The following UNC13B variants were observed in gnomAD, a reference collection of about 807,000 sequenced individuals.
UNC13B encodes unc-13 homolog B.
Under a neutral mutation model 211.0 loss-of-function variants are expected in UNC13B, and 144 were observed. That is an observed-to-expected ratio of 0.68 (90% CI 0.60 to 0.78). The LOEUF (loss-of-function observed/expected upper bound fraction) is 0.78. UNC13B is among the 30% of genes least tolerant of loss of function. The probability of loss-of-function intolerance (pLI) is 0.00; values close to 1 mark genes in which losing one functional copy is unlikely to be tolerated. For synonymous variants in UNC13B, 709 were observed against 725.8 expected (o/e 0.98, Z 0.37); for missense variants, 1,777 against 2,002.0 (o/e 0.89, Z 2.14).
chr9:35,238,150 A>T (rs936495670), intron 5 of UNC13B, among the ~76,000 whole-genome samples: 2 of 152,226 alleles, frequency 1.3e-5, no homozygotes, highest in Non-Finnish European at 2.9e-5. Flanking sequence ...TGAAGTGACT[A>T]TATATACCTT....
intron 11 of UNC13B, among the ~76,000 whole-genome samples, chr9:35,359,725 A>T (rs1162009594): frequency 6.6e-6 from 1 of 152,144 alleles, no homozygotes; most frequent in African/African-American, 2.4e-5. Context: ...CTTTTAAAAA[A>T]TATCTTGAAT....
At chr9:35,384,095 T>G (rs1835026534) in intron 21 of UNC13B, 151 bp from the exon 22 acceptor site, 2 of 1,257,850 alleles carry the variant, frequency 1.6e-6, no homozygotes, top group East Asian at 2.4e-5. Flanking sequence ...TTACACTGTT[T>G]GTTGTTCTTC....
At position 35,380,257 on chromosome 9, in the gene UNC13B, T is replaced by C. The variant is rs181101166; in HGVS notation, c.10206-213T>C. ...CTTTGTTCTAGGACAATAAGAACTG[T>C]ACAGTGGTAGATAGAGCCACCCAGG... On this transcript the variant is annotated intron_variant, in intron 17 of 39. Transcript: ENST00000635942. Among the ~76,000 whole-genome samples the C allele has an allele frequency of 3.6e-4, 55 of 152,320 alleles. No individual in the cohort carries two copies. The South Asian group carries it at 6.0e-3, about 17-fold the overall frequency.
At chr9:35,393,399 A>C (rs1835664973) in intron 26 of UNC13B, among the ~76,000 whole-genome samples, 1 of 152,050 alleles carries the variant, frequency 6.6e-6, no homozygotes, top group South Asian at 2.1e-4. Flanking sequence ...AGCATGTCCA[A>C]GACCTGGGGT....
intron 7 of UNC13B, among the ~76,000 whole-genome samples, chr9:35,270,043 C>G (rs1827787065): frequency 6.6e-6 from 1 of 152,178 alleles, no homozygotes; most frequent in Non-Finnish European, 1.5e-5. Context: ...TCTTTGACCA[C>G]TTCCTTCCTT....
At chr9:35,391,366 G>A (rs1682370501) in intron 26 of UNC13B, among the ~76,000 whole-genome samples, 4 of 152,118 alleles carry the variant, frequency 2.6e-5, no homozygotes, top group Admixed American at 1.3e-4. Flanking sequence ...TTTATGTGTG[G>A]TAGTCTCTCT....
rs1216603886 is a variant in UNC13B, at chr9:35,301,229, A to C, written c.1825A>C (p.Asn609His). Residue 609 changes from asparagine to histidine, a missense_variant, in exon 9 of 40, where the codon AAT becomes CAT. By Grantham distance (68) the Asn-to-His change is moderately conservative (BLOSUM62 1). Coordinates refer to ENST00000635942, the MANE Select transcript of UNC13B (RefSeq NM_001371189.2). The part of the protein sequence containing the change: ...PLSSQKDDNV[N>H]IDRHRKTSEN... ...ATCCTCTCAAAAAGATGATAATGTG[A>C]ATATAGACAGACATAGAAAAACCTC... 2.5e-6 allele frequency: 1 copy of C among 398,810 alleles called. No individual in the cohort carries two copies. The highest frequency in any genetic ancestry group is 4.4e-6 in the Non-Finnish European group (1 of 225,972). The allele number at this position is 398,810 out of a possible 1,614,324, so 24.7% of individuals were successfully genotyped here. A position where few individuals can be genotyped will look rare whatever the true frequency, so the allele number is the denominator to read the frequency against.
chr9:35,179,610 A>G (rs1225610984), intron 1 of UNC13B, among the ~76,000 whole-genome samples: 2 of 152,064 alleles, frequency 1.3e-5, no homozygotes, highest in Non-Finnish European at 2.9e-5. Flanking sequence ...GGGCAACGTG[A>G]CAAAACCCTA....
Position 35,214,141 on chromosome 9 carries a change from G to A in UNC13B, c.23-13874G>A, listed in dbSNP as rs188863996. On this transcript the variant is annotated intron_variant, in intron 1 of 39. Transcript: ENST00000635942. ...AAAGGGATACTATATTTAGAAAAAA[G>A]ACCAGGCTGGGCATGGTGGCTCACG... Among the ~76,000 whole-genome samples, 57 of 152,160 alleles carry A rather than the reference G, an allele frequency of 3.7e-4. No individual in the cohort carries two copies. The East Asian group carries it at 7.9e-3, about 21-fold the overall frequency.
chr9:35,378,531 C>A, intron 17 of UNC13B, 95 bp downstream of exon 17: 1 of 1,522,082 alleles, frequency 6.6e-7, no homozygotes, highest in Non-Finnish European at 9.0e-7. Flanking sequence ...GAAGATTGGG[C>A]AAAGGCAGGG....
At chr9:35,163,806 TCTTTC>T (rs1820895529) in intron 1 of UNC13B, among the ~76,000 whole-genome samples, 1 of 152,230 alleles carries the variant, frequency 6.6e-6, no homozygotes, top group South Asian at 2.1e-4. Flanking sequence ...TTAGCTAACT[TCTTTC>T]CTTTTTAATG....
chr9:35,295,601 A>G, intron 7 of UNC13B, 95 bp from the exon 8 acceptor site: 1 of 1,207,868 alleles, frequency 8.3e-7, no homozygotes, highest in Non-Finnish European at 1.2e-6. Flanking sequence ...TTTGTTCTCA[A>G]GGTCCAGACT....
chr9:35,343,992 T>C (rs1372144429), intron 11 of UNC13B, among the ~76,000 whole-genome samples: 3 of 152,250 alleles, frequency 2.0e-5, no homozygotes, highest in Admixed American at 1.3e-4. Flanking sequence ...GTTTCTTTTT[T>C]ATGTGGCGAT....
In UNC13B at chr9:35,301,913, C is replaced by A; in HGVS notation, c.2509C>A (p.Arg837Ser). 1 of 398,774 alleles carries A rather than the reference C, an allele frequency of 2.5e-6. No individual in the cohort carries two copies. Among genetic ancestry groups the A allele is most frequent in the South Asian group, 1.3e-4 (1 of 7,850 alleles). 24.7% of individuals were successfully genotyped at this position (398,774 alleles called of 1,614,324 possible). A position where few individuals can be genotyped will look rare whatever the true frequency, so the allele number is the denominator to read the frequency against. ...KESLSEPVKI[R>S]QVEEDGLERG... Reference sequence around the variant, plus strand: ...AAGTTTGTCAGAACCTGTGAAAATTCGCCAGGTGGAGGAAGATGGTTTAGA... The same window carrying A: ...AAGTTTGTCAGAACCTGTGAAAATTAGCCAGGTGGAGGAAGATGGTTTAGA... Residue 837 changes from arginine to serine, a missense_variant, in exon 9 of 40, where the codon CGC becomes AGC. Transcript: ENST00000635942.
At chr9:35,313,820 A>G (rs1043454134) in intron 10 of UNC13B, 79 bp from the exon 11 acceptor site, 7 of 1,140,140 alleles carry the variant, frequency 6.1e-6, no homozygotes, top group African/African-American at 1.5e-5. Flanking sequence ...TATTTTAGAC[A>G]TTTGGCAGTC....
intron 2 of UNC13B, among the ~76,000 whole-genome samples, chr9:35,228,931 A>G (rs954946277): frequency 3.3e-5 from 5 of 152,106 alleles, no homozygotes; most frequent in African/African-American, 1.2e-4. Flanking sequence ...AAATGTGTCT[A>G]TGTACTAGAT....
At chr9:35,310,923 C>T (rs935048433) in intron 10 of UNC13B, 142 bp downstream of exon 10, 5 of 753,362 alleles carry the variant, frequency 6.6e-6, no homozygotes, top group Non-Finnish European at 1.1e-5. Flanking sequence ...CTCTGTATTG[C>T]TTCCTTTGAT....
Position 35,306,853 on chromosome 9 carries a change from C to G in UNC13B, c.7449C>G (p.Phe2483Leu), listed in dbSNP as rs1829949035. ...CTCCCAAAACACTCTCTGGACTTTTCTCCTCTCCTAAATCTCCAAAGAAAA... is the reference window on the plus strand; with the variant it reads ...CTCCCAAAACACTCTCTGGACTTTTGTCCTCTCCTAAATCTCCAAAGAAAA... ...IEPPKTLSGL[F>L]SSPKSPKKNS... The change falls in exon 9 of 40, where the codon TTC (phenylalanine) becomes TTG (leucine). Residue 2483 changes from phenylalanine (F) to leucine (L), a missense_variant. Transcript: ENST00000635942. 1 of 398,914 alleles carries G rather than the reference C, an allele frequency of 2.5e-6. No individual in the cohort carries two copies. Among genetic ancestry groups the G allele is most frequent in the Non-Finnish European group, 4.4e-6 (1 of 226,060 alleles). The allele number at this position is 398,914 out of a possible 1,614,324, so 24.7% of individuals were successfully genotyped here.
At chr9:35,365,818 G>T (rs532751397) in intron 11 of UNC13B, among the ~76,000 whole-genome samples, 1 of 152,176 alleles carries the variant, frequency 6.6e-6, no homozygotes. Flanking sequence ...GCTCTGGTCC[G>T]TAGGGAGATA....
Sources: allele counts gnomAD v4.1 joint callset (sites outside exome capture counted in the v4.1 genomes callset), GRCh38; gene constraint gnomAD v4.1.1; transcripts MANE v1.5; gene names NCBI Gene and HGNC (gene_info 2026-07-23, HGNC 2026-07-21).